The following DMGDH variants were observed in gnomAD, a reference collection of about 807,000 sequenced individuals.
DMGDH encodes the protein dimethylglycine dehydrogenase, mitochondrial.
DMGDH carries 76 observed loss-of-function variants against 95.2 expected under a neutral mutation model. That is an observed-to-expected ratio of 0.80 (90% CI 0.66 to 0.97). The LOEUF (loss-of-function observed/expected upper bound fraction) is 0.97. Among genes scored for constraint, DMGDH ranks in the 50% least tolerant of loss-of-function variants. The pLI, the probability that DMGDH is intolerant of heterozygous loss-of-function variation, is 0.00. For missense variants in DMGDH, 987 were observed against 1,055.0 expected (o/e 0.94, Z 0.89); for synonymous variants, 345 against 377.6 (o/e 0.91, Z 1.00).
chr5:79,053,407 C>G (rs1341982683), intron 4 of DMGDH, among the ~76,000 whole-genome samples: 1 of 152,126 alleles, frequency 6.6e-6, no homozygotes, highest in Non-Finnish European at 1.5e-5. Flanking sequence ...CTCAAGCAAT[C>G]CCCCCACCTT....
intron 14 of DMGDH, among the ~76,000 whole-genome samples, chr5:79,021,933 C>G (rs565076306): frequency 2.6e-5 from 4 of 152,260 alleles, no homozygotes; most frequent in African/African-American, 9.6e-5. Context: ...CTTTCCCTCT[C>G]TGTGCTTCAG....
chr5:79,034,312 CT>C lies in DMGDH; in HGVS notation c.1194-905del, dbSNP rs572920479. On this transcript the variant is annotated intron_variant, in intron 7 of 15. Coordinates refer to ENST00000255189, the MANE Select transcript of DMGDH (RefSeq NM_013391.3). The stretch of plus-strand genomic sequence containing the variant: ...AAAGAGGTAGAAAGGAACACTGTCT[CT>C]TGTATTTTGCAACTAATAGGCCACT... Among the ~76,000 whole-genome samples the C allele has an allele frequency of 1.6e-3, 241 of 152,330 alleles. 1 individual carries two copies. Among genetic ancestry groups the C allele is most frequent in the African/African-American group, 5.6e-3 (231 of 41,588 alleles).
chr5:79,061,249 AC>A (rs1561231395), intron 2 of DMGDH, among the ~76,000 whole-genome samples: 6 of 147,670 alleles, frequency 4.1e-5, no homozygotes, highest in Non-Finnish European at 5.9e-5. Context: ...ACACACACAC[AC>A]ACACACACAC....
chr5:79,057,884 A>G (rs1413385918), intron 2 of DMGDH, among the ~76,000 whole-genome samples: 1 of 152,180 alleles, frequency 6.6e-6, no homozygotes, highest in African/African-American at 2.4e-5. Context: ...AGATCCTGTA[A>G]GCTTTATACC....
chr5:79,032,892 T>C, intron 8 of DMGDH, 52 bp from the exon 9 acceptor site: 1 of 1,603,350 alleles, frequency 6.2e-7, no homozygotes, highest in Non-Finnish European at 8.5e-7. Context: ...AACAACAAGA[T>C]ACTTACATGG....
chr5:79,015,350 G>T (rs1036157738), intron 14 of DMGDH, among the ~76,000 whole-genome samples: 1 of 152,108 alleles, frequency 6.6e-6, no homozygotes, highest in Non-Finnish European at 1.5e-5. Flanking sequence ...TGATAATTAG[G>T]AGAATGATCT....
intron 4 of DMGDH, among the ~76,000 whole-genome samples, chr5:79,052,335 G>A (rs529119012): frequency 6.6e-6 from 1 of 152,072 alleles, no homozygotes; most frequent in Non-Finnish European, 1.5e-5. Flanking sequence ...GAGTTGAGAG[G>A]CATTCACTCT....
chr5:79,020,979 T>C (rs1753851379), intron 14 of DMGDH: 1 of 985,354 alleles, frequency 1.0e-6, no homozygotes, highest in Non-Finnish European at 1.2e-6. Flanking sequence ...TCTTGATTAA[T>C]GCATTTCTTC....
chr5:79,024,220 G>T, intron 14 of DMGDH, 51 bp downstream of exon 14: 1 of 1,517,546 alleles, frequency 6.6e-7, no homozygotes, highest in Non-Finnish European at 9.1e-7. Context: ...TCACAAAATA[G>T]CATCATAATG....
At chr5:79,041,039 A>T (rs892873072) in intron 7 of DMGDH, among the ~76,000 whole-genome samples, 3 of 152,196 alleles carry the variant, frequency 2.0e-5, no homozygotes, top group African/African-American at 7.2e-5. Flanking sequence ...CTCTCTCTCC[A>T]TGTCTCCAAC....
intron 1 of DMGDH, among the ~76,000 whole-genome samples, chr5:79,066,736 C>T (rs1040944324): frequency 4.6e-5 from 7 of 152,074 alleles, no homozygotes; most frequent in African/African-American, 9.7e-5. Context: ...GATTAAGAAG[C>T]GTATGATGTT....
At chr5:79,027,846 T>C (rs1401663494) in intron 12 of DMGDH, among the ~76,000 whole-genome samples, 1 of 151,118 alleles carries the variant, frequency 6.6e-6, no homozygotes, top group Non-Finnish European at 1.5e-5. Context: ...TTTTCTTTTT[T>C]TTTTTTTTTT....
intron 4 of DMGDH, among the ~76,000 whole-genome samples, chr5:79,052,578 C>T (rs1037408342): frequency 2.6e-5 from 4 of 152,176 alleles, no homozygotes; most frequent in African/African-American, 9.7e-5. Context: ...GATAGGACCT[C>T]GTTGTAGTAA....
intron 14 of DMGDH, among the ~76,000 whole-genome samples, chr5:79,013,353 C>T (rs1392289554): frequency 6.6e-6 from 1 of 152,140 alleles, no homozygotes; most frequent in Non-Finnish European, 1.5e-5. Flanking sequence ...CCATCTGAGA[C>T]CTCCTCAGCT....
intron 6 of DMGDH, among the ~76,000 whole-genome samples, chr5:79,042,867 G>C (rs892168635): frequency 6.6e-6 from 1 of 151,998 alleles, no homozygotes; most frequent in Non-Finnish European, 1.5e-5. Flanking sequence ...AGGGCAAATG[G>C]GAGTTTACAA....
At chr5:79,062,252 T>C (rs2112675022) in intron 2 of DMGDH, among the ~76,000 whole-genome samples, 1 of 152,034 alleles carries the variant, frequency 6.6e-6, no homozygotes, top group Middle Eastern at 3.4e-3. Flanking sequence ...TGGTGATTAC[T>C]CTCTAGCATT....
At chr5:79,048,768 TACACAC>T (rs35837828) in intron 5 of DMGDH, among the ~76,000 whole-genome samples, 6 of 147,244 alleles carry the variant, frequency 4.1e-5, no homozygotes, top group African/African-American at 1.5e-4. Context: ...AAAACACACA[TACACAC>T]ACACACACAC....
intron 7 of DMGDH, among the ~76,000 whole-genome samples, chr5:79,039,672 C>A (rs1472388613): frequency 6.6e-6 from 1 of 151,932 alleles, no homozygotes; most frequent in African/African-American, 2.4e-5. Flanking sequence ...CTAACCTGCA[C>A]ATTGTGCACA....
chr5:79,042,283 C>G lies in DMGDH; in HGVS notation c.1193G>C (p.Gly398Ala). The change falls in exon 7 of 16, where the codon GGA becomes GCA. Residue 398 changes from glycine (G) to alanine (A), a missense_variant and splice_region_variant. By Grantham distance (60) the Gly-to-Ala change is moderately conservative. Coordinates refer to ENST00000255189, the MANE Select transcript of DMGDH (RefSeq NM_013391.3). ...VRNYWVAIGF[G>A]YGIIHAGGVG... ...TGTTGAATTACATGAAGATACTTAC[C>G]CAAAGCCTATAGCCACCCAGTAGTT... is the stretch of plus-strand genomic sequence containing the variant. The G allele has an allele frequency of 1.9e-6, 3 of 1,613,700 alleles. No homozygotes were observed. Among genetic ancestry groups the G allele is most frequent in the Non-Finnish European group, 1.7e-6 (2 of 1,179,690 alleles).
Sources: gnomAD v4.1 joint callset for allele counts (sites outside exome capture counted in the v4.1 genomes callset) on GRCh38, gnomAD v4.1.1 for gene constraint, MANE v1.5 for transcripts, NCBI Gene and HGNC (gene_info 2026-07-23, HGNC 2026-07-21) for gene names.